KATNB1: variants seen among roughly 807,000 people sequenced by gnomAD.
KATNB1 encodes katanin regulatory subunit B1, also known as katanin p80 WD40 repeat-containing subunit B1.
In KATNB1, 38 loss-of-function variants were observed where a neutral mutation model predicts 82.3. That is an observed-to-expected ratio of 0.46 (90% CI 0.36 to 0.61). The LOEUF is 0.61. Among genes scored for constraint, KATNB1 ranks in the 20% least tolerant of loss-of-function variants. The pLI is 0.00. For synonymous variants in KATNB1, 361 were observed against 368.7 expected (o/e 0.98, Z 0.24); for missense variants, 749 against 915.7 (o/e 0.82, Z 2.35).
chr16:57,750,961 T>C, intron 5 of KATNB1, 34 bp downstream of exon 5: 7 of 1,553,522 alleles, frequency 4.5e-6, no homozygotes, highest in Non-Finnish European at 6.2e-6. Flanking sequence ...TGTCTCCTGC[T>C]GGGCCTGTGG....
intron 8 of KATNB1, chr16:57,752,289 C>A (rs1271584167): frequency 1.6e-6 from 1 of 625,250 alleles, no homozygotes. Flanking sequence ...AGGTTGGGAC[C>A]CAAGGCATCT....
At chr16:57,748,973 C>A (rs551075034) in intron 4 of KATNB1, among the ~76,000 whole-genome samples, 28 of 152,320 alleles carry the variant, frequency 1.8e-4, no homozygotes, top group African/African-American at 5.3e-4. Flanking sequence ...AATGCCCAGC[C>A]CCCAGCAGCA....
intron 4 of KATNB1, among the ~76,000 whole-genome samples, chr16:57,745,841 A>T (rs2049180699): frequency 6.6e-6 from 1 of 150,780 alleles, no homozygotes; most frequent in African/African-American, 2.4e-5. Flanking sequence ...TTACTCATTC[A>T]TCCCCAAATT....
chr16:57,755,134 CG>C lies in KATNB1; in HGVS notation c.1314del (p.Pro440GlnfsTer26). 1 of 1,612,746 alleles carries C rather than the reference CG, an allele frequency of 6.2e-7. No homozygotes were observed. On this transcript the variant is annotated frameshift_variant, in exon 15 of 20. Transcript: ENST00000379661. LOFTEE classifies it high-confidence loss of function. ...FPVPNLEVLP[R>X]PPVVASTPAP... Reference sequence around the variant, plus strand: ...ACACTTTCAGCTGGAGGTCCTGCCCCGGCCCCCAGTGGTTGCTTCCACACCT... The same window carrying C: ...ACACTTTCAGCTGGAGGTCCTGCCCCGCCCCCAGTGGTTGCTTCCACACCT...
At chr16:57,750,167 G>A (rs753463527) in intron 4 of KATNB1, among the ~76,000 whole-genome samples, 1 of 152,188 alleles carries the variant, frequency 6.6e-6, no homozygotes, top group Non-Finnish European at 1.5e-5. Flanking sequence ...TGTCTTGGGT[G>A]GGGTTCAGTG....
chr16:57,751,559 G>T lies in KATNB1; in HGVS notation c.433-82G>T. On this transcript the variant is annotated intron_variant, in intron 6 of 19. Transcript: ENST00000379661. This position sits in a 1 kb window ranked among gnomAD's most constrained non-coding sequence, Gnocchi z 6.3. ...GGTAACCAGTGTTGTTAGATGGAAG[G>T]GGTCCCATAGGAGTGAGGAGGCAGG... The T allele has an allele frequency of 7.8e-7, 1 of 1,288,036 alleles. No homozygotes were observed. The highest frequency in any genetic ancestry group is 1.1e-6 in the Non-Finnish European group (1 of 893,496). The allele number at this position is 1,288,036 out of a possible 1,614,324, so 79.8% of individuals were successfully genotyped here. A position where few individuals can be genotyped will look rare whatever the true frequency, so the allele number is the denominator to read the frequency against.
chr16:57,749,099 G>A (rs782497543), intron 4 of KATNB1, among the ~76,000 whole-genome samples: 3 of 152,234 alleles, frequency 2.0e-5, no homozygotes, highest in Non-Finnish European at 4.4e-5. Context: ...CAGCTCCAGC[G>A]CCAGACAGGG....
intron 8 of KATNB1, 119 bp downstream of exon 8, chr16:57,752,174 G>C (rs1414315167): frequency 8.3e-6 from 6 of 725,876 alleles, no homozygotes; most frequent in Admixed American, 8.1e-5. Context: ...TGATGATCCT[G>C]TGTGGACTGA....
At chr16:57,746,468 C>T (rs13332223) in intron 4 of KATNB1, among the ~76,000 whole-genome samples, 14,775 of 152,190 alleles carry the variant, frequency 0.097, 893 homozygotes, top group African/African-American at 0.16. Flanking sequence ...TGTGCTAGGT[C>T]GTCACTGGTT....
intron 16 of KATNB1, 40 bp from the exon 17 acceptor site, chr16:57,755,801 C>T (rs2049271558): frequency 1.9e-6 from 3 of 1,546,768 alleles, no homozygotes; most frequent in Admixed American, 1.8e-5. Context: ...GCCACACTGT[C>T]CCCCACTGCC....
At position 57,741,784 on chromosome 16, in the gene KATNB1, C is replaced by T; in HGVS notation, c.138C>T (p.Asn46=). ...LATGGDDCRV[N]LWSINKPNCI... ...CAGGCGGGGATGACTGCCGCGTCAACCTGTGGTCCATCAACAAGCCCAACT... is the reference window on the plus strand; with the variant it reads ...CAGGCGGGGATGACTGCCGCGTCAATCTGTGGTCCATCAACAAGCCCAACT... Residue 46 remains asparagine, a synonymous_variant, in exon 3 of 20, where the codon AAC becomes AAT. Coordinates refer to ENST00000379661, the MANE Select transcript of KATNB1 (RefSeq NM_005886.3). 1 of 1,613,700 alleles carries T rather than the reference C, an allele frequency of 6.2e-7. No individual in the cohort carries two copies. Among genetic ancestry groups the T allele is most frequent in the Non-Finnish European group, 8.5e-7 (1 of 1,179,976 alleles).
Position 57,755,311 on chromosome 16 carries a change from C to T in KATNB1, c.1417-34C>T, listed in dbSNP as rs782091237. The T allele has an allele frequency of 8.1e-6, 13 of 1,611,556 alleles. No individual in the cohort carries two copies. The African/African-American group carries it at 1.5e-4, about 18-fold the overall frequency. On this transcript the variant is annotated intron_variant, in intron 15 of 19. Transcript: ENST00000379661. ...GGGCAGAGCTTTGCTGCTGGCTCCT[C>T]CCATGCCAGCATCTGGGTGTCCATC...
chr16:57,745,183 C>T, intron 4 of KATNB1, among the ~76,000 whole-genome samples: 1 of 152,178 alleles, frequency 6.6e-6, no homozygotes, highest in East Asian at 1.9e-4. Context: ...CTTTCTAGAC[C>T]ACATGGTCAT....
At chr16:57,738,888 T>G (rs2049122930) in intron 2 of KATNB1, among the ~76,000 whole-genome samples, 1 of 149,534 alleles carries the variant, frequency 6.7e-6, no homozygotes, top group African/African-American at 2.5e-5. Context: ...AGGCAGGAAC[T>G]GGATAACCGT....
chr16:57,756,463 G>A lies in KATNB1; in HGVS notation c.1826G>A (p.Arg609Lys), dbSNP rs2049283135. The A allele has an allele frequency of 6.2e-7, 1 of 1,613,086 alleles. No homozygotes were observed. The highest frequency in any genetic ancestry group is 8.5e-7 in the Non-Finnish European group (1 of 1,179,766). ...APPSVGVDIS[R>K]EERLHKCRLC... ...CCCTCTGTGGGTGTGGATATCAGCA[G>A]GGAGGAGAGGTGAGGGCAGCGCATG... Residue 609 changes from arginine (R) to lysine (K), a missense_variant, in exon 19 of 20, where the codon AGG becomes AAG. Around this residue, in one of 3 missense-constraint regions of KATNB1, gnomAD observed 95 missense variants for 131.6 expected, o/e 0.72. Coordinates refer to ENST00000379661, the MANE Select transcript of KATNB1 (RefSeq NM_005886.3).
rs1302270330 is a variant in KATNB1 at position 57,755,341 on chromosome 16, G to A, written c.1417-4G>A. 47 of 1,612,796 alleles carry A rather than the reference G, an allele frequency of 2.9e-5. No individual in the cohort carries two copies. The highest frequency in any genetic ancestry group is 3.8e-5 in the Non-Finnish European group (45 of 1,179,960). ...GCCAGCATCTGGGTGTCCATCCCAC[G>A]CAGGCCGTGAAGATCCCCCAGCAGG... On this transcript the variant is annotated splice_region_variant and splice_polypyrimidine_tract_variant and intron_variant, in intron 15 of 19. Coordinates refer to ENST00000379661, the MANE Select transcript of KATNB1 (RefSeq NM_005886.3).
At chr16:57,741,598 C>T in intron 2 of KATNB1, 89 bp from the exon 3 acceptor site, 1 of 1,438,914 alleles carries the variant, frequency 6.9e-7, no homozygotes. Context: ...GCTTCAGGTT[C>T]CAAAGCGGGT....
chr16:57,741,730 G>A lies in KATNB1; in HGVS notation c.84G>A (p.Leu28=), dbSNP rs2049144105. The change falls in exon 3 of 20, where the codon CTG becomes CTA. Residue 28 remains leucine, a synonymous_variant. Transcript: ENST00000379661. ...AHASNVSSLV[L]GKASGRLLAT... ...CCAGCAACGTGTCCTCACTGGTGCT[G>A]GGCAAAGCCTCCGGGCGGCTGCTGG... The A allele has an allele frequency of 1.9e-6, 3 of 1,614,158 alleles. No homozygotes were observed. Among genetic ancestry groups the A allele is most frequent in the Middle Eastern group, 1.6e-4 (1 of 6,062 alleles).
Position 57,751,612 on chromosome 16 carries a change from G to A in KATNB1, c.433-29G>A. 6.2e-7 allele frequency: 1 copy of A among 1,604,008 alleles called. No homozygotes were observed. The highest frequency in any genetic ancestry group is 1.1e-5 in the South Asian group (1 of 90,986). On this transcript the variant is annotated intron_variant, in intron 6 of 19. Transcript: ENST00000379661. This position sits in a 1 kb window ranked among gnomAD's most constrained non-coding sequence, Gnocchi z 6.3. ...GAGGTCTGTTGGGCCCAGGATCCCA[G>A]GGTGAGCTCATGCCGTGTCCTCCCT...
Sources: gnomAD v4.1 joint callset for allele counts (sites outside exome capture counted in the v4.1 genomes callset) on GRCh38, gnomAD v4.1.1 for gene constraint, gnomAD v4.1.1 regional missense constraint, Gnocchi (gnomAD v3.1) non-coding constraint, MANE v1.5 for transcripts, NCBI Gene and HGNC (gene_info 2026-07-23, HGNC 2026-07-21) for gene names.